Variants in CAMK2G observed in about 807,000 individuals in gnomAD.
CAMK2G encodes calcium/calmodulin-dependent protein kinase type II subunit gamma.
In CAMK2G, 23 loss-of-function variants were observed where a neutral mutation model predicts 88.7. That is an observed-to-expected ratio of 0.26 (90% confidence interval 0.19 to 0.37). CAMK2G has a LOEUF of 0.37. CAMK2G is among the 10% of genes least tolerant of loss of function. The pLI, the probability that CAMK2G is intolerant of heterozygous loss-of-function variation, is 1.00. For missense variants in CAMK2G, 476 were observed against 780.8 expected, an observed-to-expected ratio of 0.61 and a Z score of 4.65; for synonymous variants, 263 against 294.8, an observed-to-expected ratio of 0.89 and a Z score of 1.11.
At chr10:73,823,885 CT>C (rs965949827) in intron 17 of CAMK2G, among the ~76,000 whole-genome samples, 154 bp downstream of exon 17, 2 of 152,306 alleles carry the variant, frequency 1.3e-5, no homozygotes, top group Non-Finnish European at 2.9e-5. Context: ...GTATAATGCC[CT>C]TCCTCAGCAT....
At chr10:73,861,249 A>G (rs1591199853) in intron 2 of CAMK2G, among the ~76,000 whole-genome samples, 1 of 152,190 alleles carries the variant, frequency 6.6e-6, no homozygotes, top group Non-Finnish European at 1.5e-5. Flanking sequence ...GGGTTTGCAC[A>G]CTTCGAGCCA....
At chr10:73,854,868 G>C (rs1466856474) in intron 3 of CAMK2G, among the ~76,000 whole-genome samples, 1 of 152,032 alleles carries the variant, frequency 6.6e-6, no homozygotes, top group East Asian at 1.9e-4. Flanking sequence ...GACTGTTTCC[G>C]CATCCCATTA....
At position 73,843,897 on chromosome 10, in the gene CAMK2G, C is replaced by T. The variant is rs553337503; in HGVS notation, c.820-1356G>A. 1.9e-3 allele frequency among the ~76,000 whole-genome samples: 283 copies of T among 152,270 alleles called. 2 individuals are homozygous for T. Among genetic ancestry groups the T allele is most frequent in the African/African-American group, 6.6e-3 (273 of 41,554 alleles). On this transcript the variant is annotated intron_variant, in intron 10 of 22. Transcript: ENST00000423381. ...ACTTCCACTCACAAGCCGATCTTCA[C>T]CTGCCTCCACACTAATAGAAGTCTC... is the stretch of plus-strand genomic sequence containing the variant.
intron 2 of CAMK2G, among the ~76,000 whole-genome samples, chr10:73,865,176 C>T (rs1278613007): frequency 6.6e-6 from 1 of 152,230 alleles, no homozygotes; most frequent in Non-Finnish European, 1.5e-5. Flanking sequence ...AACACAGCAA[C>T]TAAGCCCTCC....
At position 73,848,434 on chromosome 10, in the gene CAMK2G, G is replaced by T; in HGVS notation, c.601+92C>A. On this transcript the variant is annotated intron_variant, in intron 8 of 22. Coordinates refer to ENST00000423381, the MANE Select transcript of CAMK2G (RefSeq NM_001367534.1). This position sits in a 1 kb window ranked among gnomAD's most constrained non-coding sequence, Gnocchi z 4.5. ...TTTCACATACACCAGGCACGTGTGT[G>T]ACCTGCAAGGAATAGCGATGCCTCT... 2.4e-6 allele frequency: 2 copies of T among 842,706 alleles called. No individual in the cohort carries two copies. Among genetic ancestry groups the T allele is most frequent in the South Asian group, 1.4e-5 (1 of 70,516 alleles). The allele number at this position is 842,706 out of a possible 1,614,324, so 52.2% of individuals were successfully genotyped here.
chr10:73,874,506 G>T lies in CAMK2G; in HGVS notation c.-45C>A, dbSNP rs907744749. ...CGGCGGTGCAGCCCGCGCCGACGTC[G>T]GTGCACAGTCACCGCCGCCCGGCCG... On this transcript the variant is annotated 5_prime_UTR_variant, in exon 1 of 23. Coordinates refer to ENST00000423381, the MANE Select transcript of CAMK2G (RefSeq NM_001367534.1). 4 of 1,383,242 alleles carry T rather than the reference G, an allele frequency of 2.9e-6. No individual in the cohort carries two copies. The African/African-American group carries it at 6.0e-5, about 21-fold the overall frequency. The allele number at this position is 1,383,242 out of a possible 1,614,324, so 85.7% of individuals were successfully genotyped here. A position where few individuals can be genotyped will look rare whatever the true frequency, so the allele number is the denominator to read the frequency against.
chr10:73,829,360 T>C (rs757281630), intron 14 of CAMK2G, among the ~76,000 whole-genome samples: 1 of 151,972 alleles, frequency 6.6e-6, no homozygotes, highest in Non-Finnish European at 1.5e-5. Context: ...AGTGGCACCA[T>C]CTCGGCTCAC....
chr10:73,822,644 G>A (rs2089367864), intron 17 of CAMK2G, among the ~76,000 whole-genome samples: 1 of 151,932 alleles, frequency 6.6e-6, no homozygotes, highest in African/African-American at 2.4e-5. Context: ...CTCTCCTATG[G>A]TTCTCCCCGT....
intron 14 of CAMK2G, among the ~76,000 whole-genome samples, chr10:73,828,366 C>A (rs1331105924): frequency 2.0e-5 from 3 of 152,196 alleles, no homozygotes; most frequent in African/African-American, 7.2e-5. Flanking sequence ...TTAGTATCTT[C>A]TGAGATGTCT....
At chr10:73,859,025 A>G (rs1415177774) in intron 3 of CAMK2G, among the ~76,000 whole-genome samples, 1 of 152,250 alleles carries the variant, frequency 6.6e-6, no homozygotes, top group African/African-American at 2.4e-5. Flanking sequence ...AGGACAAATT[A>G]TCACTGCTGT....
At chr10:73,817,151 C>G in intron 20 of CAMK2G, 34 bp from the exon 21 acceptor site, 3 of 1,576,060 alleles carry the variant, frequency 1.9e-6, no homozygotes, top group Non-Finnish European at 2.6e-6. Context: ...GCCTATCAGG[C>G]TTCTATGGAG....
intron 18 of CAMK2G, among the ~76,000 whole-genome samples, chr10:73,820,493 T>TATATATATATATATA (rs1491202927): frequency 9.6e-5 from 3 of 31,266 alleles, no homozygotes; most frequent in African/African-American, 3.6e-4. Context: ...TATATATATA[T>TATATATATATATATA]TTTTTTTTTT....
intron 2 of CAMK2G, 90 bp from the exon 3 acceptor site, chr10:73,860,979 A>C: frequency 1.1e-6 from 1 of 886,526 alleles, no homozygotes; most frequent in Non-Finnish European, 1.9e-6. Flanking sequence ...TTCAGGTACT[A>C]ACTATGCATT....
Position 73,839,376 on chromosome 10 carries a change from C to T in CAMK2G, c.1009+163G>A, listed in dbSNP as rs547806727. ...GGCTGGTTAGGGGGCTCCATAACAA[C>T]GATGCGCTTGCAGATGCCAAGTTAG... On this transcript the variant is annotated intron_variant, in intron 13 of 22. Transcript: ENST00000423381. This position sits in a 1 kb window ranked among gnomAD's most constrained non-coding sequence, Gnocchi z 4.2. Among the ~76,000 whole-genome samples the T allele has an allele frequency of 3.9e-5, 6 of 152,344 alleles. No individual in the cohort carries two copies. Among genetic ancestry groups the T allele is most frequent in the South Asian group, 2.1e-4 (1 of 4,830 alleles).
intron 3 of CAMK2G, among the ~76,000 whole-genome samples, chr10:73,855,966 G>T (rs1459727824): frequency 1.3e-5 from 2 of 151,914 alleles, no homozygotes; most frequent in East Asian, 1.9e-4. Context: ...AAGAGACAGG[G>T]TCTCACTATG....
chr10:73,817,378 A>G (rs545557765), intron 20 of CAMK2G, 101 bp downstream of exon 20: 458 of 938,486 alleles, frequency 4.9e-4, no homozygotes, highest in Non-Finnish European at 7.5e-4. Context: ...ACTTTGCCCA[A>G]GGTCCAACCT....
At chr10:73,857,109 C>G (rs2095092467) in intron 3 of CAMK2G, among the ~76,000 whole-genome samples, 1 of 152,164 alleles carries the variant, frequency 6.6e-6, no homozygotes, top group African/African-American at 2.4e-5. Flanking sequence ...AGGAACTGCT[C>G]AGTCATGATT....
rs906269041 is a variant in CAMK2G, at chr10:73,873,371, C to T, written c.66-288G>A. The T allele has an allele frequency of 3.9e-6, 5 of 1,288,396 alleles. No homozygotes were observed. In the East Asian group the frequency reaches 1.7e-4, roughly 44 times the overall value. The allele number at this position is 1,288,396 out of a possible 1,614,324, so 79.8% of individuals were successfully genotyped here. A position where few individuals can be genotyped will look rare whatever the true frequency, so the allele number is the denominator to read the frequency against. On this transcript the variant is annotated intron_variant, in intron 1 of 22. Coordinates refer to ENST00000423381, the MANE Select transcript of CAMK2G (RefSeq NM_001367534.1). ...AGGCTGCACATCAGGAGCGGGTGGGCGATGCTGAAAACACACACCTGCTGC... is the reference window on the plus strand; with the variant it reads ...AGGCTGCACATCAGGAGCGGGTGGGTGATGCTGAAAACACACACCTGCTGC...
chr10:73,820,966 C>T (rs2088397604), intron 18 of CAMK2G, among the ~76,000 whole-genome samples: 2 of 151,880 alleles, frequency 1.3e-5, no homozygotes, highest in Admixed American at 1.3e-4. Context: ...TGAGCCACTA[C>T]GCCCGGCCTT....
Sources: gnomAD v4.1 joint callset for allele counts (sites outside exome capture counted in the v4.1 genomes callset) on GRCh38, gnomAD v4.1.1 for gene constraint, Gnocchi (gnomAD v3.1) non-coding constraint, MANE v1.5 for transcripts, NCBI Gene and HGNC (gene_info 2026-07-23, HGNC 2026-07-21) for gene names.